The following OAS2 variants were observed in gnomAD, a reference collection of about 807,000 sequenced individuals.
OAS2 encodes 2'-5'-oligoadenylate synthetase 2, also known as 2'-5'-oligoadenylate synthase 2.
A neutral mutation model predicts 71.3 loss-of-function variants in OAS2; 67 were observed. That is an observed-to-expected ratio of 0.94 (90% CI 0.77 to 1.15). OAS2 has a LOEUF of 1.15. Ranked by LOEUF, OAS2 falls within the 50% of genes most tolerant of loss-of-function variation. The probability of loss-of-function intolerance (pLI) is 0.00; values close to 1 mark genes in which losing one functional copy is unlikely to be tolerated. For synonymous variants in OAS2, 327 were observed against 321.8 expected (o/e 1.02, Z -0.17); for missense variants, 789 against 822.5 (o/e 0.96, Z 0.50).
At position 113,011,288 on chromosome 12, in the gene OAS2, C is replaced by T. The variant is rs1277172435; in HGVS notation, c.*2033C>T. 2.6e-5 allele frequency: 4 copies of T among 152,180 alleles called. No individual in the cohort carries two copies. Among genetic ancestry groups the T allele is most frequent in the Non-Finnish European group, 5.9e-5 (4 of 68,038 alleles). The allele number at this position is 152,180 out of a possible 1,614,324, so 9.4% of individuals were successfully genotyped here. A position where few individuals can be genotyped will look rare whatever the true frequency, so the allele number is the denominator to read the frequency against. ...TCCTGATAGGAGTGTCTTTTGTATT[C>T]ATAACAAGCCCTTTTCACCCATGCC... On this transcript the variant is annotated 3_prime_UTR_variant, in exon 10 of 10. Transcript: ENST00000392583.
Position 113,010,353 on chromosome 12 carries a change from C to T in OAS2, c.*1098C>T, listed in dbSNP as rs1388156043. On this transcript the variant is annotated 3_prime_UTR_variant, in exon 10 of 10. Coordinates refer to ENST00000392583, the MANE Select transcript of OAS2 (RefSeq NM_002535.3). ...TAACTATTAGGAGACATTGCTCTCC[C>T]ACGTATGTTTTTCTTTTTAGACAAT... 1.9e-6 allele frequency: 3 copies of T among 1,607,850 alleles called. No individual in the cohort carries two copies. The highest frequency in any genetic ancestry group is 1.3e-5 in the African/African-American group (1 of 74,510).
chr12:113,002,852 G>A, intron 5 of OAS2, 80 bp from the exon 6 acceptor site: 2 of 1,306,394 alleles, frequency 1.5e-6, no homozygotes, highest in Admixed American at 2.0e-5. Context: ...CAGGGTAGGG[G>A]GCCCAGTACA....
In OAS2 at chr12:113,009,202, G is replaced by A. The variant is rs1279241482; in HGVS notation, c.2011G>A (p.Asp671Asn). The A allele has an allele frequency of 2.5e-6, 4 of 1,614,008 alleles. No individual in the cohort carries two copies. The highest frequency in any genetic ancestry group is 1.7e-5 in the Admixed American group (1 of 60,004). Residue 671 changes from aspartate (D) to asparagine (N), a missense_variant, in exon 10 of 10, where the codon GAT becomes AAT. Coordinates refer to ENST00000392583, the MANE Select transcript of OAS2 (RefSeq NM_002535.3). ...KEWLSSPCFK[D>N]GTGNPIPPWK... ...ATGGTTATCCTCTCCCTGCTTCAAGGATGGGACTGGAAACCCAATACCACC... is the reference window on the plus strand; with the variant it reads ...ATGGTTATCCTCTCCCTGCTTCAAGAATGGGACTGGAAACCCAATACCACC...
rs1421878498 is a variant in OAS2, at chr12:112,978,688, A to G, written c.80A>G (p.Tyr27Cys). Residue 27 changes from tyrosine to cysteine, a missense_variant, in exon 1 of 10, where the codon TAC (tyrosine) becomes TGC (cysteine). Coordinates refer to ENST00000392583, the MANE Select transcript of OAS2 (RefSeq NM_002535.3). This position sits in a 1 kb window ranked among gnomAD's most constrained non-coding sequence, Gnocchi z 4.2. ...GWFIQEYLKP[Y>C]EECQTLIDEM... is the part of the protein sequence containing the mutation. The stretch of plus-strand genomic sequence containing the variant: ...TTTATCCAGGAATACCTGAAGCCCT[A>G]CGAAGAATGTCAGACACTGATCGAC... The G allele has an allele frequency of 1.2e-6, 2 of 1,614,194 alleles. No homozygotes were observed. Among genetic ancestry groups the G allele is most frequent in the Non-Finnish European group, 1.7e-6 (2 of 1,180,038 alleles).
intron 1 of OAS2, among the ~76,000 whole-genome samples, chr12:112,984,323 C>A (rs1355501702): frequency 2.0e-5 from 3 of 152,008 alleles, no homozygotes; most frequent in African/African-American, 7.2e-5. Context: ...TATAAAATGA[C>A]CTTCTTTGTC....
intron 5 of OAS2, among the ~76,000 whole-genome samples, chr12:113,001,899 G>A (rs986640248): frequency 6.6e-6 from 1 of 150,490 alleles, no homozygotes. Flanking sequence ...GCTAGGCGTG[G>A]TGGCACAAAC....
At chr12:113,001,361 T>C (rs1275267779) in intron 5 of OAS2, among the ~76,000 whole-genome samples, 2 of 120,110 alleles carry the variant, frequency 1.7e-5, no homozygotes, top group African/African-American at 7.2e-5. Context: ...AATATATATA[T>C]ACATATATAT....
chr12:112,997,405 G>A, intron 3 of OAS2, 115 bp from the exon 4 acceptor site: 1 of 771,926 alleles, frequency 1.3e-6, no homozygotes, highest in Non-Finnish European at 2.1e-6. Flanking sequence ...TGAACTGTAG[G>A]CATTCTAGCA....
chr12:113,004,068 G>A (rs1381639063), intron 6 of OAS2, among the ~76,000 whole-genome samples: 2 of 152,190 alleles, frequency 1.3e-5, no homozygotes, highest in Admixed American at 6.5e-5. Flanking sequence ...GAGAGCCATC[G>A]GCAGATAAGA....
chr12:112,998,081 G>T (rs1264304761), intron 4 of OAS2, among the ~76,000 whole-genome samples, 185 bp from the exon 5 acceptor site: 1 of 152,182 alleles, frequency 6.6e-6, no homozygotes, highest in Non-Finnish European at 1.5e-5. Flanking sequence ...GAATGTCTCT[G>T]TAAAGCAGCA....
At position 112,978,755 on chromosome 12, in the gene OAS2, A is replaced by G; in HGVS notation, c.147A>G (p.Glu49=). 6.2e-7 allele frequency: 1 copy of G among 1,613,904 alleles called. No homozygotes were observed. Among genetic ancestry groups the G allele is most frequent in the Non-Finnish European group, 8.5e-7 (1 of 1,179,912 alleles). ...TCTGTGACGTCCTGCAGGAACCCGA[A>G]CAGTTCCCCCTGGTGCAGGGAGTGG... ...NTICDVLQEP[E]QFPLVQGVAI... Residue 49 remains glutamate (E), a synonymous_variant, in exon 1 of 10, where the codon GAA becomes GAG. Transcript: ENST00000392583. This position sits in a 1 kb window ranked among gnomAD's most constrained non-coding sequence, Gnocchi z 4.2.
chr12:112,997,573 G>A lies in OAS2; in HGVS notation c.681G>A (p.Leu227=), dbSNP rs1349348451. Residue 227 remains leucine, a synonymous_variant, in exon 4 of 10, where the codon CTG becomes CTA. Coordinates refer to ENST00000392583, the MANE Select transcript of OAS2 (RefSeq NM_002535.3). ...LPSLSPYALE[L]LTVYAWEQGC... ...CGCTGTCTCCGTATGCCCTGGAGCT[G>A]CTTACGGTGTATGCCTGGGAACAGG... The A allele has an allele frequency of 6.2e-7, 1 of 1,614,154 alleles. No homozygotes were observed. The highest frequency in any genetic ancestry group is 2.2e-5 in the East Asian group (1 of 44,884).
chr12:112,989,983 A>T (rs1243365962), intron 2 of OAS2, among the ~76,000 whole-genome samples: 1 of 152,076 alleles, frequency 6.6e-6, no homozygotes, highest in Non-Finnish European at 1.5e-5. Flanking sequence ...TCCCTAGTCA[A>T]CGTCACCACC....
At chr12:113,006,175 G>A (rs2044333290) in intron 7 of OAS2, among the ~76,000 whole-genome samples, 1 of 152,138 alleles carries the variant, frequency 6.6e-6, no homozygotes, top group Non-Finnish European at 1.5e-5. Flanking sequence ...TGGCTGCTCT[G>A]TTAGTTTAAG....
chr12:112,995,315 C>G lies in OAS2; in HGVS notation c.468C>G (p.Ser156Arg). The G allele has an allele frequency of 6.2e-7, 1 of 1,611,132 alleles. No homozygotes were observed. Among genetic ancestry groups the G allele is most frequent in the Non-Finnish European group, 8.5e-7 (1 of 1,179,002 alleles). Residue 156 changes from serine (S) to arginine (R), a missense_variant, in exon 3 of 10, where the codon AGC becomes AGG. By Grantham distance (110) the Ser-to-Arg change is moderately radical. Coordinates refer to ENST00000392583, the MANE Select transcript of OAS2 (RefSeq NM_002535.3). ...FNALSLNDNPSPWIYRELKRS... is the reference protein window; with the variant it reads ...FNALSLNDNPRPWIYRELKRS... ...CATCAGGCTTAAATGATAATCCCAGCCCCTGGATCTATCGAGAGCTCAAAA... is the reference window on the plus strand; with the variant it reads ...CATCAGGCTTAAATGATAATCCCAGGCCCTGGATCTATCGAGAGCTCAAAA...
At position 112,997,631 on chromosome 12, in the gene OAS2, G is replaced by A. The variant is rs2044246374; in HGVS notation, c.739G>A (p.Gly247Ser). ...AAAAGACAACTTTGACATTGCTGAA[G>A]GCGTCAGAACCGTACTGGAGCTGAT... The part of the protein sequence containing the change: ...CRKDNFDIAE[G>S]VRTVLELIKC... The change falls in exon 4 of 10, where the codon GGC becomes AGC. Residue 247 changes from glycine to serine, a missense_variant. Transcript: ENST00000392583. 1 of 1,614,134 alleles carries A rather than the reference G, an allele frequency of 6.2e-7. No homozygotes were observed. The highest frequency in any genetic ancestry group is 8.5e-7 in the Non-Finnish European group (1 of 1,179,988).
intron 2 of OAS2, chr12:112,988,197 G>A (rs529276949): frequency 5.1e-6 from 5 of 985,436 alleles, no homozygotes; most frequent in Admixed American, 1.2e-4. Context: ...AGCAGGTTTA[G>A]GTTGAAGGAT....
At chr12:112,987,473 C>G in intron 2 of OAS2, 165 bp downstream of exon 2, 1 of 1,448,078 alleles carries the variant, frequency 6.9e-7, no homozygotes, top group South Asian at 1.5e-5. Flanking sequence ...GACTCGCTCT[C>G]TTCTCTGGAA....
intron 8 of OAS2, 87 bp downstream of exon 8, chr12:113,006,687 T>G (rs893738223): frequency 1.1e-4 from 128 of 1,196,560 alleles, no homozygotes; most frequent in Non-Finnish European, 7.7e-5. Flanking sequence ...CAATCTCCCA[T>G]GCTGAGGGCT....
Sources: allele counts gnomAD v4.1 joint callset (sites outside exome capture counted in the v4.1 genomes callset), GRCh38; gene constraint gnomAD v4.1.1; non-coding constraint Gnocchi (gnomAD v3.1); transcripts MANE v1.5; gene names NCBI Gene and HGNC (gene_info 2026-07-23, HGNC 2026-07-21).